The following CS variants were observed in gnomAD, a reference collection of about 807,000 sequenced individuals.
The protein encoded by CS is citrate synthase.
Under a neutral mutation model 61.4 loss-of-function variants are expected in CS, and 13 were observed. The ratio of observed to expected loss-of-function variants is 0.21; its 90% CI spans 0.14 to 0.34. The LOEUF (loss-of-function observed/expected upper bound fraction) is 0.34. Ranked by LOEUF, CS falls within the 10% of genes least tolerant of loss-of-function variation. CS has a pLI of 1.00. For missense variants in CS, 278 were observed against 573.4 expected, an observed-to-expected ratio of 0.48 and a Z score of 5.26; for synonymous variants, 159 against 215.2, an observed-to-expected ratio of 0.74 and a Z score of 2.29.
intron 6 of CS, 54 bp downstream of exon 6, chr12:56,282,366 C>T (rs1400086893): frequency 2.6e-5 from 36 of 1,406,242 alleles, no homozygotes; most frequent in Non-Finnish European, 3.4e-5. Context: ...TCCCTTCACA[C>T]TCAAGTCCTT....
intron 1 of CS, among the ~76,000 whole-genome samples, chr12:56,293,709 G>A (rs182260675): frequency 6.6e-6 from 1 of 152,242 alleles, no homozygotes; most frequent in East Asian, 1.9e-4. Context: ...GCAAGACTCC[G>A]TCTCAAAATA....
chr12:56,283,405 G>A (rs570781212), intron 4 of CS, among the ~76,000 whole-genome samples: 17 of 152,026 alleles, frequency 1.1e-4, no homozygotes, highest in East Asian at 7.7e-4. Context: ...CACCATGCCC[G>A]GCTAATTTTG....
chr12:56,290,807 A>G (rs1416824617), intron 1 of CS, among the ~76,000 whole-genome samples: 1 of 152,224 alleles, frequency 6.6e-6, no homozygotes, highest in Non-Finnish European at 1.5e-5. Flanking sequence ...CATTTCCATA[A>G]TTAAGATAAC....
rs1872525607 is a variant in CS, at chr12:56,271,776, G to A, written c.*1308C>T. ...TCCATCATGACTTGACAGTTACCCA[G>A]GGGTTTACAGTGTGTCCAACTCAAC... On this transcript the variant is annotated 3_prime_UTR_variant, in exon 11 of 11. Coordinates refer to ENST00000351328, the MANE Select transcript of CS (RefSeq NM_004077.3). The A allele has an allele frequency of 4.9e-6, 2 of 404,170 alleles. No individual in the cohort carries two copies. The highest frequency in any genetic ancestry group is 4.2e-5 in the African/African-American group (2 of 47,962). 25.0% of individuals were successfully genotyped at this position (404,170 alleles called of 1,614,324 possible).
Position 56,283,827 on chromosome 12 carries a change from A to G in CS, c.232T>C (p.Leu78=), listed in dbSNP as rs1341160707. 3.7e-6 allele frequency: 6 copies of G among 1,613,310 alleles called. No homozygotes were observed. The African/African-American group carries it at 6.7e-5, about 18-fold the overall frequency. The change falls in exon 4 of 11, where the codon TTG becomes CTG. Residue 78 remains leucine, a synonymous_variant. Transcript: ENST00000351328. ...MYGGMRGMKG[L]VYETSVLDPD... ...TCAAGAACTGATGTTTCATAGACCA[A>G]TCCCTTCATGCCTCTCATGCCACCA...
At chr12:56,288,646 G>C (rs1380107520) in intron 1 of CS, among the ~76,000 whole-genome samples, 2 of 151,718 alleles carry the variant, frequency 1.3e-5, no homozygotes, top group Non-Finnish European at 2.9e-5. Context: ...TTGGGACGGA[G>C]AGGAGGAATG....
At chr12:56,279,138 A>AC (rs1227119519) in intron 6 of CS, among the ~76,000 whole-genome samples, 4 of 152,210 alleles carry the variant, frequency 2.6e-5, no homozygotes, top group Admixed American at 2.6e-4. Flanking sequence ...GCTTAAGGCT[A>AC]CTTCACAATT....
rs139249943 is a variant in CS at position 56,281,527 on chromosome 12, T to C, written c.588+893A>G. On this transcript the variant is annotated intron_variant, in intron 6 of 10. Coordinates refer to ENST00000351328, the MANE Select transcript of CS (RefSeq NM_004077.3). The stretch of plus-strand genomic sequence containing the variant: ...GTCCTCCTAGACTCCAGAGTTGCAA[T>C]TGCTGTTCTCCCAACTTGTAAGATT... Among the ~76,000 whole-genome samples the C allele has an allele frequency of 2.6e-4, 39 of 152,330 alleles. No homozygotes were observed. The East Asian group carries it at 2.9e-3, about 11-fold the overall frequency.
chr12:56,300,033 C>T (rs1316535986), intron 1 of CS, 127 bp downstream of exon 1: 5 of 887,824 alleles, frequency 5.6e-6, no homozygotes, highest in African/African-American at 1.8e-5. Flanking sequence ...TGGCGGCCAG[C>T]CAAGCGCAGG....
chr12:56,290,872 G>A (rs1029906457), intron 1 of CS, among the ~76,000 whole-genome samples: 1 of 151,538 alleles, frequency 6.6e-6, no homozygotes, highest in Non-Finnish European at 1.5e-5. Context: ...GGACGTATAT[G>A]CAAAAGTAGT....
Position 56,272,427 on chromosome 12 carries a change from A to G in CS, c.*657T>C, listed in dbSNP as rs1436686982. The G allele has an allele frequency of 6.5e-6, 1 of 153,146 alleles. No individual in the cohort carries two copies. Among genetic ancestry groups the G allele is most frequent in the Non-Finnish European group, 1.5e-5 (1 of 68,804 alleles). The allele number at this position is 153,146 out of a possible 1,614,324, so 9.5% of individuals were successfully genotyped here. ...AAGTCTGGGAGGAGGTGAGTATTAA[A>G]GTAATGGGAAACAGAACACTCCCAG... On this transcript the variant is annotated 3_prime_UTR_variant, in exon 11 of 11. Coordinates refer to ENST00000351328, the MANE Select transcript of CS (RefSeq NM_004077.3).
chr12:56,296,533 T>C (rs1173408510), intron 1 of CS, among the ~76,000 whole-genome samples: 1 of 152,198 alleles, frequency 6.6e-6, no homozygotes, highest in Non-Finnish European at 1.5e-5. Flanking sequence ...GAAAGATCTA[T>C]TGCTACAGTT....
chr12:56,297,849 A>T (rs867654119), intron 1 of CS, among the ~76,000 whole-genome samples: 1 of 152,330 alleles, frequency 6.6e-6, no homozygotes, highest in South Asian at 2.1e-4. Flanking sequence ...AATTATGACT[A>T]GCATTATCCA....
intron 3 of CS, chr12:56,285,354 C>G (rs572280584): frequency 2.9e-6 from 1 of 343,206 alleles, no homozygotes; most frequent in African/African-American, 2.1e-5. Flanking sequence ...ATAATCATGG[C>G]TCACTGCAGC....
At chr12:56,297,799 GCCTCCCAAAGT>G (rs1400553000) in intron 1 of CS, among the ~76,000 whole-genome samples, 1 of 152,164 alleles carries the variant, frequency 6.6e-6, no homozygotes, top group East Asian at 1.9e-4. Flanking sequence ...GGAAATTACT[GCCTCCCAAAGT>G]CTACCTTACT....
At chr12:56,296,849 TA>T (rs1873322218) in intron 1 of CS, among the ~76,000 whole-genome samples, 1 of 152,214 alleles carries the variant, frequency 6.6e-6, no homozygotes, top group Non-Finnish European at 1.5e-5. Context: ...GAATCACCGT[TA>T]CTTTGGGTAG....
In CS at chr12:56,272,182, C is replaced by T. The variant is rs374647928; in HGVS notation, c.*902G>A. On this transcript the variant is annotated 3_prime_UTR_variant, in exon 11 of 11. Coordinates refer to ENST00000351328, the MANE Select transcript of CS (RefSeq NM_004077.3). ...TCTGAAAATATCATGCTGGTCATTC[C>T]GGAGTTCTATGCCCCACAGCATATT... The T allele has an allele frequency of 2.2e-4, 57 of 262,496 alleles. 1 individual carries two copies. Among genetic ancestry groups the T allele is most frequent in the South Asian group, 1.8e-3 (50 of 27,994 alleles). The allele number at this position is 262,496 out of a possible 1,614,324, so 16.3% of individuals were successfully genotyped here.
Position 56,273,762 on chromosome 12 carries a change from T to C in CS, c.1055A>G (p.Lys352Arg). Residue 352 changes from lysine to arginine, a missense_variant, in exon 10 of 11, where the codon AAG (lysine) becomes AGG (arginine). Coordinates refer to ENST00000351328, the MANE Select transcript of CS (RefSeq NM_004077.3). ...CTGACAGGTATATCGCGGATCAGTC[T>C]TCCTTAGTACTGCATGGCCATAGCC... ...VPGYGHAVLR[K>R]TDPRYTCQRE... 6.2e-7 allele frequency: 1 copy of C among 1,614,220 alleles called. No homozygotes were observed. Among genetic ancestry groups the C allele is most frequent in the East Asian group, 2.2e-5 (1 of 44,890 alleles).
chr12:56,294,230 T>C (rs1303598388), intron 1 of CS, among the ~76,000 whole-genome samples: 6 of 151,926 alleles, frequency 3.9e-5, no homozygotes, highest in African/African-American at 1.4e-4. Context: ...TCCCAGCACT[T>C]TGGGAGGCCA....
Sources: gnomAD v4.1 joint callset for allele counts (sites outside exome capture counted in the v4.1 genomes callset) on GRCh38, gnomAD v4.1.1 for gene constraint, MANE v1.5 for transcripts, NCBI Gene and HGNC (gene_info 2026-07-23, HGNC 2026-07-21) for gene names.